KCNK9: variants seen among roughly 807,000 people sequenced by gnomAD.
KCNK9 encodes the protein potassium channel subfamily K member 9.
A neutral mutation model predicts 10.8 loss-of-function variants in KCNK9; 1 was observed. The ratio of observed to expected loss-of-function variants is 0.09; its 90% CI spans 0.03 to 0.44. The LOEUF (loss-of-function observed/expected upper bound fraction) is 0.44. Among genes scored for constraint, KCNK9 ranks in the 20% least tolerant of loss-of-function variants. The pLI is 0.97. For missense variants in KCNK9, 303 were observed against 515.0 expected, an observed-to-expected ratio of 0.59 and a Z score of 3.98; for synonymous variants, 231 against 222.7, an observed-to-expected ratio of 1.04 and a Z score of -0.33.
intron 1 of KCNK9, among the ~76,000 whole-genome samples, chr8:139,640,434 C>G (rs1815468140): frequency 6.6e-6 from 1 of 152,218 alleles, no homozygotes; most frequent in East Asian, 1.9e-4. Context: ...TGCGACACCC[C>G]ACACTACTTT....
At chr8:139,650,667 C>T (rs1586664078) in intron 1 of KCNK9, among the ~76,000 whole-genome samples, 1 of 152,196 alleles carries the variant, frequency 6.6e-6, no homozygotes, top group Admixed American at 6.5e-5. Flanking sequence ...GGTACTGAAT[C>T]GGATAGAGAT....
Position 139,702,927 on chromosome 8 carries a change from G to A in KCNK9, c.66C>T (p.Gly22=), listed in dbSNP as rs773306121. 3.0e-5 allele frequency: 49 copies of A among 1,612,846 alleles called. No homozygotes were observed. The highest frequency in any genetic ancestry group is 4.1e-5 in the Non-Finnish European group (48 of 1,179,700). Residue 22 remains glycine, a synonymous_variant, in exon 1 of 2, where the codon GGC becomes GGT. Transcript: ENST00000520439. This position sits in a 1 kb window ranked among gnomAD's most constrained non-coding sequence, Gnocchi z 7.5. ...ACTCGAGGGCGTCGAACACGGCGGC[G>A]CCCACCAGCAGGTAGGTGAAGGTGC... is the stretch of plus-strand genomic sequence containing the variant. The part of the protein sequence containing the change: ...IVCTFTYLLV[G]AAVFDALESD...
intron 1 of KCNK9, among the ~76,000 whole-genome samples, chr8:139,669,113 C>CT (rs1686466245): frequency 2.2e-5 from 2 of 90,170 alleles, no homozygotes; most frequent in South Asian, 7.7e-4. Context: ...AAGTACTCTA[C>CT]TGCTAAAAAA....
intron 1 of KCNK9, among the ~76,000 whole-genome samples, chr8:139,663,648 C>CGTGTGTGTGTGTGTGTGTGTGTGT (rs34660685): frequency 4.7e-4 from 64 of 137,594 alleles, no homozygotes; most frequent in African/African-American, 1.1e-3. Context: ...CGCGTGCGCA[C>CGTGTGTGTGTGTGTGTGTGTGTGT]GTGTGTGTGT....
At position 139,617,196 on chromosome 8, in the gene KCNK9, T is replaced by C. The variant is rs1814625215; in HGVS notation, c.*1062A>G. On this transcript the variant is annotated 3_prime_UTR_variant, in exon 2 of 2. Transcript: ENST00000520439. The stretch of plus-strand genomic sequence containing the variant: ...ATGAGGAAAAGGAACCACAGCCACA[T>C]ACTAATACCCATTCTCACCCAAGCA... Among the ~76,000 whole-genome samples, 1 of 152,224 alleles carries C rather than the reference T, an allele frequency of 6.6e-6. No homozygotes were observed. The highest frequency in any genetic ancestry group is 2.4e-5 in the African/African-American group (1 of 41,456).
chr8:139,602,516 T>G (rs1817396692), intron 2 of KCNK9, among the ~76,000 whole-genome samples: 1 of 152,174 alleles, frequency 6.6e-6, no homozygotes, highest in Non-Finnish European at 1.5e-5. Flanking sequence ...ATGGAAAGCA[T>G]TTTAGGAGAT....
chr8:139,687,577 T>C (rs1316479638), intron 1 of KCNK9, among the ~76,000 whole-genome samples: 1 of 80,356 alleles, frequency 1.2e-5, no homozygotes, highest in African/African-American at 4.3e-5. Flanking sequence ...TATTCATATA[T>C]ATGTATACAT....
intron 1 of KCNK9, among the ~76,000 whole-genome samples, chr8:139,628,392 G>A (rs1029534083): frequency 6.6e-6 from 1 of 152,210 alleles, no homozygotes; most frequent in African/African-American, 2.4e-5. Flanking sequence ...TGGCAAACAC[G>A]GTCGTTCTGG....
At chr8:139,650,198 G>A (rs1402541828) in intron 1 of KCNK9, among the ~76,000 whole-genome samples, 2 of 152,206 alleles carry the variant, frequency 1.3e-5, no homozygotes, top group Non-Finnish European at 2.9e-5. Context: ...GATTTTCAAG[G>A]GATCATGCTG....
downstream of KCNK9, among the ~76,000 whole-genome samples, chr8:139,615,457 C>T (rs1464327284): frequency 6.6e-6 from 1 of 152,126 alleles, no homozygotes; most frequent in Admixed American, 6.5e-5. Context: ...ACTCTGAGAC[C>T]ATTTCATGCT....
At chr8:139,649,553 G>C (rs1159220627) in intron 1 of KCNK9, among the ~76,000 whole-genome samples, 1 of 152,156 alleles carries the variant, frequency 6.6e-6, no homozygotes, top group Non-Finnish European at 1.5e-5. Flanking sequence ...CACATGCCTG[G>C]ATGCGGTCTT....
rs57175032 is a variant in KCNK9 at position 139,660,448 on chromosome 8, A to AT, written c.284-41350_284-41349insA. 2.1e-3 allele frequency among the ~76,000 whole-genome samples: 258 copies of AT among 124,494 alleles called. 2 individuals carry two copies. Among genetic ancestry groups the AT allele is most frequent in the South Asian group, 2.5e-3 (10 of 4,044 alleles). The allele number at this position is 124,494 out of a possible 152,430, so 81.7% of individuals were successfully genotyped here. On this transcript the variant is annotated intron_variant, in intron 1 of 1. Transcript: ENST00000520439. ...CGTGAAACCCGTCTCTGCTAAAAAA[A>AT]AATATATATATATATATATATATTA...
rs1201119798 is a variant in KCNK9 at position 139,687,509 on chromosome 8, TG to T, written c.283+15200del. ...ATATATACACATATATACATATATA[TG>T]TATACACATATATTCATATATATGT... On this transcript the variant is annotated intron_variant, in intron 1 of 1. Transcript: ENST00000520439. Among the ~76,000 whole-genome samples the T allele has an allele frequency of 5.4e-4, 26 of 47,840 alleles. 1 individual carries two copies. Among genetic ancestry groups the T allele is most frequent in the African/African-American group, 1.4e-3 (23 of 15,884 alleles). 31.4% of individuals were successfully genotyped at this position (47,840 alleles called of 152,430 possible).
chr8:139,693,695 G>A lies in KCNK9; in HGVS notation c.283+9015C>T, dbSNP rs975548933. On this transcript the variant is annotated intron_variant, in intron 1 of 1. Coordinates refer to ENST00000520439, the MANE Select transcript of KCNK9 (RefSeq NM_001282534.2). The surrounding 1 kb of genome is among the most constrained non-coding windows in gnomAD (Gnocchi z 4.1). The stretch of plus-strand genomic sequence containing the variant: ...AAGGACAATTGGGGAAAAGAGGAAG[G>A]CAGAGCCGGACTCAGGGCAGAAGGT... Among the ~76,000 whole-genome samples the A allele has an allele frequency of 2.0e-5, 3 of 152,172 alleles. No homozygotes were observed. Among genetic ancestry groups the A allele is most frequent in the Non-Finnish European group, 4.4e-5 (3 of 68,038 alleles).
chr8:139,640,449 A>G (rs1815468713), intron 1 of KCNK9, among the ~76,000 whole-genome samples: 1 of 152,184 alleles, frequency 6.6e-6, no homozygotes, highest in African/African-American at 2.4e-5. Context: ...TACTTTCTTC[A>G]AGAGAACAGC....
intron 1 of KCNK9, among the ~76,000 whole-genome samples, chr8:139,629,021 G>A (rs1055439330): frequency 1.3e-5 from 2 of 152,154 alleles, no homozygotes; most frequent in African/African-American, 2.4e-5. Flanking sequence ...GCCTGGCTCC[G>A]ACTGCAGTCG....
chr8:139,660,065 T>G (rs527975522), intron 1 of KCNK9, among the ~76,000 whole-genome samples: 25 of 152,340 alleles, frequency 1.6e-4, no homozygotes, highest in South Asian at 1.0e-3. Context: ...AAGAACGATG[T>G]AGATGTGTTG....
chr8:139,605,457 A>G (rs1482950159), intron 2 of KCNK9, among the ~76,000 whole-genome samples: 3 of 152,202 alleles, frequency 2.0e-5, no homozygotes, highest in African/African-American at 7.2e-5. Flanking sequence ...GTTAGGGGAA[A>G]GGCCTCCGAG....
chr8:139,690,883 C>T (rs1250039026), intron 1 of KCNK9, among the ~76,000 whole-genome samples: 2 of 152,172 alleles, frequency 1.3e-5, no homozygotes, highest in Non-Finnish European at 2.9e-5. Context: ...TGGATGGGAA[C>T]CTGTCTTGTA....
Sources: allele counts gnomAD v4.1 joint callset (sites outside exome capture counted in the v4.1 genomes callset), GRCh38; gene constraint gnomAD v4.1.1; non-coding constraint Gnocchi (gnomAD v3.1); transcripts MANE v1.5; gene names NCBI Gene and HGNC (gene_info 2026-07-23, HGNC 2026-07-21).